DSE: variants seen among roughly 807,000 people sequenced by gnomAD.
DSE encodes dermatan sulfate epimerase.
A neutral mutation model predicts 84.4 loss-of-function variants in DSE; 36 were observed. That is an observed-to-expected ratio of 0.43 (90% CI 0.33 to 0.56). DSE has a LOEUF of 0.56. Ranked by LOEUF, DSE falls within the 20% of genes least tolerant of loss-of-function variation. The pLI is 0.06. For synonymous variants in DSE, 410 were observed against 430.1 expected, an observed-to-expected ratio of 0.95 and a Z score of 0.58; for missense variants, 862 against 1,169.6, an observed-to-expected ratio of 0.74 and a Z score of 3.84.
At chr6:116,302,856 A>G (rs886086195) in intron 2 of DSE, among the ~76,000 whole-genome samples, 4 of 152,220 alleles carry the variant, frequency 2.6e-5, no homozygotes, top group African/African-American at 7.2e-5. Context: ...AGTTTTCTGC[A>G]TATGGCTAGC....
At chr6:116,258,251 G>A (rs1252563638) in intron 1 of DSE, among the ~76,000 whole-genome samples, 2 of 151,908 alleles carry the variant, frequency 1.3e-5, no homozygotes, top group African/African-American at 4.8e-5. Context: ...CCCAACCTCA[G>A]GTGATCTGCC....
intron 2 of DSE, among the ~76,000 whole-genome samples, chr6:116,360,503 ACT>A (rs1156981901): frequency 7.9e-5 from 12 of 151,832 alleles, no homozygotes; most frequent in African/African-American, 2.9e-4. Flanking sequence ...TTTTTAAAAG[ACT>A]TGAAAATAAA....
intron 1 of DSE, among the ~76,000 whole-genome samples, chr6:116,385,904 G>T (rs1780552107): frequency 6.6e-6 from 1 of 151,352 alleles, no homozygotes; most frequent in Non-Finnish European, 1.5e-5. Flanking sequence ...GAATGTAAAA[G>T]AACTTCATGT....
intron 1 of DSE, among the ~76,000 whole-genome samples, chr6:116,376,773 GAAT>G (rs1380915758): frequency 6.6e-6 from 1 of 152,144 alleles, no homozygotes; most frequent in Non-Finnish European, 1.5e-5. Context: ...TTATATTTGG[GAAT>G]AGTTATACCT....
intron 2 of DSE, among the ~76,000 whole-genome samples, chr6:116,362,506 C>G (rs1778959852): frequency 6.6e-6 from 1 of 152,198 alleles, no homozygotes; most frequent in Non-Finnish European, 1.5e-5. Context: ...AGAAATCACT[C>G]TATCTCCATG....
chr6:116,368,943 C>CGGGGGGGGGGGGGGGGGGGGAG (rs376133129), upstream of DSE, among the ~76,000 whole-genome samples: 1 of 84,332 alleles, frequency 1.2e-5, no homozygotes, highest in Non-Finnish European at 2.5e-5. Flanking sequence ...GGCGGGGGGA[C>CGGGGGGGGGGGGGGGGGGGGAG]GGGGGGGGCT....
intron 2 of DSE, among the ~76,000 whole-genome samples, chr6:116,305,374 C>G (rs1395063524): frequency 3.3e-5 from 5 of 151,970 alleles, no homozygotes; most frequent in Non-Finnish European, 7.4e-5. Context: ...TTTAAAAGTT[C>G]TCACTATTAA....
At chr6:116,385,207 C>T (rs1000228776) in intron 1 of DSE, among the ~76,000 whole-genome samples, 1 of 152,136 alleles carries the variant, frequency 6.6e-6, no homozygotes, top group Admixed American at 6.5e-5. Flanking sequence ...GCAGTATGGC[C>T]AGGCTGCTTA....
chr6:116,382,037 CTGTGTGTG>C (rs58610779), intron 1 of DSE, among the ~76,000 whole-genome samples: 13 of 144,866 alleles, frequency 9.0e-5, no homozygotes, highest in South Asian at 2.3e-4. Flanking sequence ...ACATGGCATT[CTGTGTGTG>C]TGTGTGTGTG....
chr6:116,288,567 A>G (rs1489218052), intron 2 of DSE: 1 of 152,090 alleles, frequency 6.6e-6, no homozygotes, highest in African/African-American at 2.4e-5. Context: ...TGCTCCAGCT[A>G]TTTCAACATG....
intron 2 of DSE, among the ~76,000 whole-genome samples, chr6:116,357,119 T>G (rs896713894): frequency 6.6e-6 from 1 of 152,246 alleles, no homozygotes; most frequent in African/African-American, 2.4e-5. Flanking sequence ...GCATGTTTAC[T>G]AACATTCTGG....
chr6:116,420,674 A>C (rs1457055522), intron 2 of DSE, among the ~76,000 whole-genome samples: 1 of 152,250 alleles, frequency 6.6e-6, no homozygotes, highest in Admixed American at 6.5e-5. Context: ...AACAGTATAC[A>C]AATTTAAATA....
At chr6:116,423,213 G>A (rs754958369) in intron 2 of DSE, 1 of 152,168 alleles carries the variant, frequency 6.6e-6, no homozygotes, top group African/African-American at 2.4e-5. Flanking sequence ...AATAGATAAA[G>A]TGTGAGTTCA....
chr6:116,265,918 T>C (rs1455707540), intron 2 of DSE, among the ~76,000 whole-genome samples: 1 of 152,180 alleles, frequency 6.6e-6, no homozygotes, highest in Admixed American at 6.5e-5. Flanking sequence ...TTGCTGCCCC[T>C]ACCCCTTCTC....
Position 116,415,546 on chromosome 6 carries a change from C to CTT in DSE, c.417-11019_417-11018dup, listed in dbSNP as rs11382623. ...CTTCCCCCTTTTTTCTTTTTTCTTTCTTTTTTTTTTCCTCTCTTCTTTTTC... is the reference window on the plus strand; with the variant it reads ...CTTCCCCCTTTTTTCTTTTTTCTTTCTTTTTTTTTTTTCCTCTCTTCTTTTTC... On this transcript the variant is annotated intron_variant, in intron 2 of 5. Coordinates refer to ENST00000644252, the MANE Select transcript of DSE (RefSeq NM_013352.4). Among the ~76,000 whole-genome samples, 272 of 138,226 alleles carry CTT rather than the reference C, an allele frequency of 2.0e-3. 3 individuals are homozygous for CTT. Among genetic ancestry groups the CTT allele is most frequent in the Non-Finnish European group, 3.6e-3 (232 of 64,062 alleles). The allele number at this position is 138,226 out of a possible 152,430, so 90.7% of individuals were successfully genotyped here.
At chr6:116,416,822 C>T in intron 2 of DSE, among the ~76,000 whole-genome samples, 1 of 151,890 alleles carries the variant, frequency 6.6e-6, no homozygotes, top group Admixed American at 6.6e-5. Context: ...TAGACATTGA[C>T]TGAGTGATAA....
chr6:116,348,907 T>C (rs967610350), intron 2 of DSE, among the ~76,000 whole-genome samples: 3 of 150,282 alleles, frequency 2.0e-5, no homozygotes, highest in African/African-American at 7.4e-5. Context: ...TTCTCACTCA[T>C]AGGTGGGAAT....
At position 116,431,207 on chromosome 6, in the gene DSE, T is replaced by C. The variant is rs1783815697; in HGVS notation, c.910+14T>C. On this transcript the variant is annotated intron_variant, in intron 4 of 5. Coordinates refer to ENST00000644252, the MANE Select transcript of DSE (RefSeq NM_013352.4). Reference sequence around the variant, plus strand: ...CCATCCTGCCAGGTATAGTGAGGAGTCAGAAGTGTGAAAACATTAAACTAT... The same window carrying C: ...CCATCCTGCCAGGTATAGTGAGGAGCCAGAAGTGTGAAAACATTAAACTAT... 1 of 1,613,040 alleles carries C rather than the reference T, an allele frequency of 6.2e-7. No individual in the cohort carries two copies. Among genetic ancestry groups the C allele is most frequent in the East Asian group, 2.2e-5 (1 of 44,872 alleles).
intron 2 of DSE, among the ~76,000 whole-genome samples, chr6:116,326,444 T>TA (rs1454414324): frequency 2.0e-5 from 3 of 152,206 alleles, no homozygotes. Flanking sequence ...TTTGTGCCAG[T>TA]TCACCTCCTT....
Sources: gnomAD v4.1 joint callset for allele counts (sites outside exome capture counted in the v4.1 genomes callset) on GRCh38, gnomAD v4.1.1 for gene constraint, MANE v1.5 for transcripts, NCBI Gene and HGNC (gene_info 2026-07-23, HGNC 2026-07-21) for gene names.